Variants in DPYD observed in about 807,000 individuals in gnomAD.
DPYD encodes dihydropyrimidine dehydrogenase.
DPYD carries 109 observed loss-of-function variants against 116.2 expected under a neutral mutation model. The ratio of observed to expected loss-of-function variants is 0.94; its 90% confidence interval spans 0.80 to 1.10. DPYD has a LOEUF of 1.10. DPYD is among the 50% of genes least tolerant of loss of function. The probability of loss-of-function intolerance (pLI) is 0.00; values close to 1 mark genes in which losing one functional copy is unlikely to be tolerated. For synonymous variants in DPYD, 440 were observed against 432.0 expected, an observed-to-expected ratio of 1.02 and a Z score of -0.23; for missense variants, 1,302 against 1,254.5, an observed-to-expected ratio of 1.04 and a Z score of -0.57.
chr1:97,294,908 A>T (rs1666429446), intron 18 of DPYD, among the ~76,000 whole-genome samples: 4 of 152,222 alleles, frequency 2.6e-5, no homozygotes, highest in African/African-American at 9.6e-5. Context: ...AACAAGGGTC[A>T]CAGAAGAGTA....
At chr1:97,296,850 G>C (rs993460692) in intron 18 of DPYD, among the ~76,000 whole-genome samples, 3 of 152,098 alleles carry the variant, frequency 2.0e-5, no homozygotes, top group Admixed American at 2.0e-4. Flanking sequence ...CTATTTGTTA[G>C]AGCATGTTTA....
chr1:97,840,374 G>A (rs1252889354), intron 2 of DPYD, among the ~76,000 whole-genome samples: 1 of 152,078 alleles, frequency 6.6e-6, no homozygotes, highest in Non-Finnish European at 1.5e-5. Flanking sequence ...AAATGGGGTT[G>A]TTATTCATCT....
chr1:97,198,758 T>C (rs1570651829), intron 19 of DPYD, among the ~76,000 whole-genome samples: 1 of 152,190 alleles, frequency 6.6e-6, no homozygotes, highest in East Asian at 1.9e-4. Flanking sequence ...TTTATCTTTC[T>C]TCACAGCAGG....
chr1:97,129,466 A>AT (rs1179342837), intron 20 of DPYD, among the ~76,000 whole-genome samples: 1 of 152,162 alleles, frequency 6.6e-6, no homozygotes, highest in Non-Finnish European at 1.5e-5. Flanking sequence ...TCATTGATAT[A>AT]TAGTAACACA....
chr1:97,820,648 A>C (rs894412310), intron 3 of DPYD, among the ~76,000 whole-genome samples: 7 of 152,220 alleles, frequency 4.6e-5, no homozygotes, highest in African/African-American at 1.7e-4. Context: ...ATCACCATCT[A>C]GTGACAAAAT....
At chr1:97,323,254 TTATATACATATGTGTATATGTACACGTA>T (rs1553254316) in intron 16 of DPYD, among the ~76,000 whole-genome samples, 1 of 98,144 alleles carries the variant, frequency 1.0e-5, no homozygotes, top group African/African-American at 3.5e-5. Flanking sequence ...ATTTATATAC[TTATATACATATGTGTATATGTACACGTA>T]TATATACATA....
intron 20 of DPYD, among the ~76,000 whole-genome samples, chr1:97,182,796 A>G (rs1657733178): frequency 6.6e-6 from 1 of 152,174 alleles, no homozygotes; most frequent in Non-Finnish European, 1.5e-5. Context: ...GGACAGGAGT[A>G]AGCTGCAAGA....
At chr1:97,738,692 T>C (rs1398901008) in intron 4 of DPYD, among the ~76,000 whole-genome samples, 3 of 115,476 alleles carry the variant, frequency 2.6e-5, no homozygotes, top group Non-Finnish European at 5.4e-5. Flanking sequence ...ATTAGGAGAG[T>C]TTTTTTTTTT....
At chr1:97,591,403 T>G (rs77936524) in intron 10 of DPYD, among the ~76,000 whole-genome samples, 1,996 of 152,368 alleles carry the variant, frequency 0.013, 23 homozygotes, top group Middle Eastern at 0.024. Flanking sequence ...ACTGGTTTGC[T>G]GACTGTTGTA....
intron 18 of DPYD, among the ~76,000 whole-genome samples, chr1:97,290,608 G>A (rs1317792447): frequency 6.6e-6 from 1 of 152,086 alleles, no homozygotes; most frequent in Non-Finnish European, 1.5e-5. Flanking sequence ...TTTAATAAAT[G>A]GTTCTGGGAA....
chr1:97,656,329 T>C (rs1449635218), intron 8 of DPYD, among the ~76,000 whole-genome samples: 1 of 152,164 alleles, frequency 6.6e-6, no homozygotes, highest in Non-Finnish European at 1.5e-5. Flanking sequence ...TCCTCTTTAC[T>C]GAACAACAGA....
chr1:97,882,443 T>C (rs896493497), intron 2 of DPYD, among the ~76,000 whole-genome samples: 3 of 151,942 alleles, frequency 2.0e-5, no homozygotes, highest in Non-Finnish European at 4.4e-5. Flanking sequence ...TAAACTAAAA[T>C]CATACATTCT....
At chr1:97,484,739 C>T (rs72729947) in intron 13 of DPYD, among the ~76,000 whole-genome samples, 139 of 152,290 alleles carry the variant, frequency 9.1e-4, no homozygotes, top group Non-Finnish European at 1.5e-3. Flanking sequence ...CCTTCCAACT[C>T]TTAAAATACA....
At chr1:97,136,964 T>C (rs1000742244) in intron 20 of DPYD, among the ~76,000 whole-genome samples, 1 of 152,144 alleles carries the variant, frequency 6.6e-6, no homozygotes, top group Non-Finnish European at 1.5e-5. Flanking sequence ...AAATCAGAAA[T>C]TGTTGGCTAA....
chr1:97,337,056 T>C (rs765288916), intron 16 of DPYD, among the ~76,000 whole-genome samples: 1 of 151,826 alleles, frequency 6.6e-6, no homozygotes, highest in African/African-American at 2.4e-5. Flanking sequence ...GTTTGGAGAG[T>C]GGAAGCAAAG....
At chr1:97,451,735 T>C (rs1337600049) in intron 13 of DPYD, among the ~76,000 whole-genome samples, 4 of 152,170 alleles carry the variant, frequency 2.6e-5, no homozygotes, top group Non-Finnish European at 5.9e-5. Flanking sequence ...GCTCATCCAG[T>C]GGGTACTCCG....
chr1:97,347,896 C>T (rs1037901544), intron 16 of DPYD, among the ~76,000 whole-genome samples: 1 of 152,102 alleles, frequency 6.6e-6, no homozygotes, highest in African/African-American at 2.4e-5. Context: ...TAAAACCTTT[C>T]CTCCTGCATT....
chr1:97,096,096 G>C (rs574337751), intron 21 of DPYD: 1 of 152,158 alleles, frequency 6.6e-6, no homozygotes, highest in Non-Finnish European at 1.5e-5. Context: ...ACATAAACTT[G>C]CACTATTTTT....
chr1:97,099,799 A>AT (rs1650535028), intron 20 of DPYD, among the ~76,000 whole-genome samples: 1 of 152,022 alleles, frequency 6.6e-6, no homozygotes, highest in Non-Finnish European at 1.5e-5. Context: ...CCCCAGGAAA[A>AT]TGAGTTCTCT....
Sources: allele counts gnomAD v4.1 joint callset (sites outside exome capture counted in the v4.1 genomes callset), GRCh38; gene constraint gnomAD v4.1.1; transcripts MANE v1.5; gene names NCBI Gene and HGNC (gene_info 2026-07-23, HGNC 2026-07-21).